Variants in VRK3 observed in about 807,000 individuals in gnomAD.
The protein encoded by VRK3 is VRK serine/threonine kinase 3, also known as serine/threonine-protein kinase VRK3.
In VRK3, 50 loss-of-function variants were observed where a neutral mutation model predicts 60.4. That is an observed-to-expected ratio of 0.83 (90% confidence interval 0.66 to 1.05). The LOEUF (loss-of-function observed/expected upper bound fraction) is 1.05. VRK3 is among the 50% of genes least tolerant of loss of function. The pLI is 0.00. For missense variants in VRK3, 549 were observed against 585.3 expected, an observed-to-expected ratio of 0.94 and a Z score of 0.64; for synonymous variants, 246 against 227.8, an observed-to-expected ratio of 1.08 and a Z score of -0.72.
intron 1 of VRK3, 146 bp from the exon 2 acceptor site, chr19:50,020,793 G>C (rs1031260817): frequency 5.3e-5 from 8 of 152,202 alleles, no homozygotes; most frequent in Non-Finnish European, 8.8e-5. Context: ...TATTCACCGA[G>C]TTTCCTGTTT....
rs559591708 is a variant in VRK3, at chr19:49,990,505, C to T, written c.964-734G>A. 1.6e-3 allele frequency among the ~76,000 whole-genome samples: 244 copies of T among 151,850 alleles called. 1 individual carries two copies. Among genetic ancestry groups the T allele is most frequent in the Non-Finnish European group, 2.6e-3 (175 of 67,920 alleles). ...CAGTGATCCTCCCACCTCAGCCTCC[C>T]GAGTAGCTGGGACTACAGGCATGCA... On this transcript the variant is annotated intron_variant, in intron 10 of 14. Coordinates refer to ENST00000316763, the MANE Select transcript of VRK3 (RefSeq NM_016440.4).
chr19:50,006,665 G>A (rs1035703573), intron 5 of VRK3, among the ~76,000 whole-genome samples: 1 of 152,084 alleles, frequency 6.6e-6, no homozygotes, highest in African/African-American at 2.4e-5. Flanking sequence ...GTGAGCCACC[G>A]CGCCTGGCCA....
chr19:50,013,074 G>A (rs2077021552), intron 3 of VRK3, among the ~76,000 whole-genome samples: 1 of 152,104 alleles, frequency 6.6e-6, no homozygotes, highest in Non-Finnish European at 1.5e-5. Context: ...GGCTAAGGCA[G>A]GAGGATGGAG....
chr19:49,977,012 C>G (rs978541713), intron 14 of VRK3, among the ~76,000 whole-genome samples: 10 of 152,140 alleles, frequency 6.6e-5, no homozygotes, highest in African/African-American at 9.7e-5. Flanking sequence ...GGAACAAGGG[C>G]TGTGTGGAAA....
At chr19:49,997,396 C>G (rs2122200498) in intron 7 of VRK3, 108 bp downstream of exon 7, 1 of 1,277,358 alleles carries the variant, frequency 7.8e-7, no homozygotes, top group East Asian at 2.5e-5. Context: ...AAACCTGGGC[C>G]TTTAATCTAA....
At chr19:50,007,933 C>A in intron 4 of VRK3, 107 bp from the exon 5 acceptor site, 1 of 1,480,532 alleles carries the variant, frequency 6.8e-7, no homozygotes, top group South Asian at 1.3e-5. Flanking sequence ...TTCGTTCATT[C>A]AACAAACATT....
At chr19:49,982,394 C>G (rs372732131) in intron 12 of VRK3, among the ~76,000 whole-genome samples, 1 of 152,224 alleles carries the variant, frequency 6.6e-6, no homozygotes, top group Non-Finnish European at 1.5e-5. Context: ...CCTCCTGTCT[C>G]GGCCTCCCAA....
At position 50,001,984 on chromosome 19, in the gene VRK3, C is replaced by T. The variant is rs112395288; in HGVS notation, c.548-1130G>A. Among the ~76,000 whole-genome samples, 825 of 152,246 alleles carry T rather than the reference C, an allele frequency of 5.4e-3. 5 individuals are homozygous for T. The highest frequency in any genetic ancestry group is 8.3e-3 in the South Asian group (40 of 4,820). ...AACCCACTCAGCCCAGAGCCCAGCA[C>T]GGACCCTGGCACATCAGGATTGCTC... is the stretch of plus-strand genomic sequence containing the variant. On this transcript the variant is annotated intron_variant, in intron 5 of 14. Transcript: ENST00000316763.
intron 9 of VRK3, among the ~76,000 whole-genome samples, chr19:49,993,248 T>G (rs2076642914): frequency 6.6e-6 from 1 of 152,222 alleles, no homozygotes; most frequent in African/African-American, 2.4e-5. Context: ...AAGGGGTTAA[T>G]GTCTCTCTGC....
rs1444947862 is a variant in VRK3, at chr19:49,995,267, A to G, written c.688T>C (p.Trp230Arg). 6.2e-7 allele frequency: 1 copy of G among 1,614,164 alleles called. No individual in the cohort carries two copies. Among genetic ancestry groups the G allele is most frequent in the Admixed American group, 1.7e-5 (1 of 60,010 alleles). The change falls in exon 8 of 15, where the codon TGG (tryptophan) becomes CGG (arginine). Residue 230 changes from tryptophan (W) to arginine (R), a missense_variant. Physicochemically the swap from Trp to Arg is moderately radical, Grantham distance 101 (BLOSUM62 -3). Transcript: ENST00000316763. ...AGTGGGGTCGAGTACAGCTTCTTCC[A>G]CTTGTTGACTGCGGAAAGCAGGGGC... ...RAAKPLQVNK[W>R]KKLYSTPLLA... is the part of the protein sequence containing the mutation.
At chr19:50,017,522 C>T (rs1016633832) in intron 2 of VRK3, among the ~76,000 whole-genome samples, 1 of 135,646 alleles carries the variant, frequency 7.4e-6, no homozygotes, top group Non-Finnish European at 1.5e-5. Flanking sequence ...TGTGGTGAGC[C>T]GAGATCTCAC....
intron 11 of VRK3, among the ~76,000 whole-genome samples, chr19:49,989,274 T>C (rs1043014116): frequency 1.3e-5 from 2 of 152,188 alleles, no homozygotes; most frequent in Non-Finnish European, 2.9e-5. Flanking sequence ...ACTTCTGAGA[T>C]ACTGCAGAGC....
At chr19:50,009,018 A>G (rs1443101412) in intron 4 of VRK3, among the ~76,000 whole-genome samples, 1 of 152,070 alleles carries the variant, frequency 6.6e-6, no homozygotes, top group Non-Finnish European at 1.5e-5. Context: ...GTGTGCAGGG[A>G]GGGGCCGGGG....
At chr19:49,978,177 T>A (rs1341558645) in intron 14 of VRK3, among the ~76,000 whole-genome samples, 1 of 152,122 alleles carries the variant, frequency 6.6e-6, no homozygotes, top group Non-Finnish European at 1.5e-5. Context: ...TCAGGCAGCA[T>A]CCCGGCCTCC....
At chr19:49,988,731 T>C (rs2076560263) in intron 11 of VRK3, among the ~76,000 whole-genome samples, 1 of 152,130 alleles carries the variant, frequency 6.6e-6, no homozygotes. Context: ...CCTCATCCAC[T>C]CCTCTTTCAT....
chr19:50,001,178 G>A, intron 5 of VRK3: 1 of 250,920 alleles, frequency 4.0e-6, no homozygotes, highest in East Asian at 9.3e-5. Flanking sequence ...AACTGCTTGT[G>A]CAATCACTGT....
chr19:49,982,755 A>G (rs1256921368), intron 12 of VRK3, among the ~76,000 whole-genome samples: 1 of 152,192 alleles, frequency 6.6e-6, no homozygotes, highest in Non-Finnish European at 1.5e-5. Context: ...ATGTACATAC[A>G]CACACATACA....
chr19:49,994,108 T>C (rs1482323839), intron 9 of VRK3, among the ~76,000 whole-genome samples: 4 of 152,170 alleles, frequency 2.6e-5, no homozygotes, highest in Non-Finnish European at 5.9e-5. Flanking sequence ...CTGCAGATAC[T>C]GAACATAAAG....
At chr19:49,985,348 T>C (rs375365485) in intron 12 of VRK3, among the ~76,000 whole-genome samples, 1 of 152,166 alleles carries the variant, frequency 6.6e-6, no homozygotes, top group East Asian at 1.9e-4. Context: ...TTCTAGCAGG[T>C]CCTGAGGCTG....
Sources: allele counts gnomAD v4.1 joint callset (sites outside exome capture counted in the v4.1 genomes callset), GRCh38; gene constraint gnomAD v4.1.1; transcripts MANE v1.5; gene names NCBI Gene and HGNC (gene_info 2026-07-23, HGNC 2026-07-21).